SAMD7: variants seen among roughly 807,000 people sequenced by gnomAD.
The protein encoded by SAMD7 is sterile alpha motif domain containing 7.
Under a neutral mutation model 36.7 loss-of-function variants are expected in SAMD7, and 34 were observed. The observed-to-expected ratio is 0.93, with a 90% CI of 0.71 to 1.23. The LOEUF is 1.23. SAMD7 is among the 50% of genes most tolerant of loss of function. The pLI is 0.00. For missense variants in SAMD7, 570 were observed against 546.6 expected (o/e 1.04, Z -0.43); for synonymous variants, 188 against 189.7 (o/e 0.99, Z 0.07).
chr3:169,938,487 G>A lies in SAMD7; in HGVS notation c.1322G>A (p.Arg441Gln), dbSNP rs373905806. 27 of 1,608,716 alleles carry A rather than the reference G, an allele frequency of 1.7e-5. No homozygotes were observed. Among genetic ancestry groups the A allele is most frequent in the African/African-American group, 2.7e-5 (2 of 74,680 alleles). ...ACAATAATTCCTAAAGGAATTGAGCGAGGTAGTATGAGAAACTAAAAGCCC... is the reference window on the plus strand; with the variant it reads ...ACAATAATTCCTAAAGGAATTGAGCAAGGTAGTATGAGAAACTAAAAGCCC... Reference protein sequence around the residue: ...QDTIIPKGIERGSMRN With the variant: ...QDTIIPKGIEQGSMRN Residue 441 changes from arginine to glutamine, a missense_variant, in exon 9 of 9, where the codon CGA becomes CAA. Physicochemically the swap from Arg to Gln is conservative, Grantham distance 43 (BLOSUM62 1). Coordinates refer to ENST00000335556, the MANE Select transcript of SAMD7 (RefSeq NM_001304366.2).
At chr3:169,925,492 C>T (rs1341544762) in intron 5 of SAMD7, among the ~76,000 whole-genome samples, 5 of 151,902 alleles carry the variant, frequency 3.3e-5, no homozygotes, top group African/African-American at 9.7e-5. Flanking sequence ...TTTGGGAGGC[C>T]GAGGTGAGTG....
At chr3:169,929,869 C>T (rs1405868547) in intron 7 of SAMD7, among the ~76,000 whole-genome samples, 1 of 152,152 alleles carries the variant, frequency 6.6e-6, no homozygotes, top group African/African-American at 2.4e-5. Flanking sequence ...CCTACTCTTC[C>T]CTGTTCAATG....
At chr3:169,932,990 C>G in intron 7 of SAMD7, 1 of 724,128 alleles carries the variant, frequency 1.4e-6, no homozygotes, top group Non-Finnish European at 2.6e-6. Context: ...TTCCCCCCCT[C>G]TATCAGTGTG....
rs747240913 is a variant in SAMD7, at chr3:169,927,214, T to G, written c.919+33T>G. On this transcript the variant is annotated intron_variant, in intron 6 of 8. Coordinates refer to ENST00000335556, the MANE Select transcript of SAMD7 (RefSeq NM_001304366.2). Reference sequence around the variant, plus strand: ...TCCAGGGGCCAATGGCAGATCCTCATTAACTACAGGTTGCCAAGTCCGTAG... The same window carrying G: ...TCCAGGGGCCAATGGCAGATCCTCAGTAACTACAGGTTGCCAAGTCCGTAG... 7.3e-6 allele frequency: 11 copies of G among 1,500,596 alleles called. No homozygotes were observed. The African/African-American group carries it at 1.4e-4, about 19-fold the overall frequency. The allele number at this position is 1,500,596 out of a possible 1,614,324, so 93.0% of individuals were successfully genotyped here.
chr3:169,911,784 A>G lies in SAMD7; in HGVS notation c.-154A>G, dbSNP rs898027044. The G allele has an allele frequency of 6.6e-5, 10 of 152,242 alleles. No homozygotes were observed. Among genetic ancestry groups the G allele is most frequent in the Admixed American group, 1.3e-4 (2 of 15,282 alleles). The allele number at this position is 152,242 out of a possible 1,614,324, so 9.4% of individuals were successfully genotyped here. On this transcript the variant is annotated 5_prime_UTR_variant, in exon 1 of 9. Coordinates refer to ENST00000335556, the MANE Select transcript of SAMD7 (RefSeq NM_001304366.2). ...CAGAAAGTCTTTGTATGGTTCTTCC[A>G]TCTGCAATATCAAAGACAAGAAGTC...
At chr3:169,913,825 G>T (rs1712696073) in intron 1 of SAMD7, among the ~76,000 whole-genome samples, 1 of 152,294 alleles carries the variant, frequency 6.6e-6, no homozygotes, top group South Asian at 2.1e-4. Context: ...ACTCGTGCTT[G>T]ATCATATGAC....
At chr3:169,932,859 T>C (rs1048404750) in intron 7 of SAMD7, 2 of 615,754 alleles carry the variant, frequency 3.2e-6, no homozygotes, top group Admixed American at 2.0e-5. Context: ...GATTACCTGA[T>C]TGACAATGCT....
chr3:169,930,585 T>C (rs1461301255), intron 7 of SAMD7, among the ~76,000 whole-genome samples: 1 of 145,514 alleles, frequency 6.9e-6, no homozygotes, highest in Middle Eastern at 3.5e-3. Flanking sequence ...TTTCTTTTTT[T>C]TTTTTTTTTT....
At chr3:169,921,813 G>A (rs188425891) in intron 4 of SAMD7, among the ~76,000 whole-genome samples, 42 of 152,278 alleles carry the variant, frequency 2.8e-4, no homozygotes, top group African/African-American at 9.1e-4. Context: ...AACCTGATGG[G>A]ATCAAAGTTC....
chr3:169,928,762 C>T (rs1214875448), intron 7 of SAMD7, among the ~76,000 whole-genome samples, 184 bp downstream of exon 7: 1 of 152,128 alleles, frequency 6.6e-6, no homozygotes, highest in Non-Finnish European at 1.5e-5. Context: ...ACACCCACAC[C>T]CCAGCATCAG....
rs556293638 is a variant in SAMD7 at position 169,936,217 on chromosome 3, A to C, written c.1042-122A>C. 10 of 625,518 alleles carry C rather than the reference A, an allele frequency of 1.6e-5. No individual in the cohort carries two copies. The South Asian group carries it at 1.9e-4, about 12-fold the overall frequency. 38.7% of individuals were successfully genotyped at this position (625,518 alleles called of 1,614,324 possible). On this transcript the variant is annotated intron_variant, in intron 7 of 8. Transcript: ENST00000335556. ...AGAGCAACTAAAAAAAGGTTTTACA[A>C]ATTTTTTTGTCATCCTCAAGCAGTC...
Position 169,936,401 on chromosome 3 carries a change from A to G in SAMD7, c.1104A>G (p.Arg368=). The change falls in exon 8 of 9, where the codon CGA becomes CGG. Residue 368 remains arginine, a synonymous_variant. Transcript: ENST00000335556. ...CATTACTCACAGAAGAGCATCTTCG[A>G]GGCACTATGGGATTAAAGCTAGGGC... is the stretch of plus-strand genomic sequence containing the variant. The part of the protein sequence containing the change: ...TLPLLTEEHL[R]GTMGLKLGPA... The G allele has an allele frequency of 6.2e-7, 1 of 1,613,808 alleles. No individual in the cohort carries two copies. The highest frequency in any genetic ancestry group is 8.5e-7 in the Non-Finnish European group (1 of 1,179,730).
At chr3:169,930,578 CT>C (rs772549629) in intron 7 of SAMD7, among the ~76,000 whole-genome samples, 11,845 of 101,716 alleles carry the variant, frequency 0.12, 228 homozygotes, top group Non-Finnish European at 0.13. Context: ...CCTTTCTTTT[CT>C]TTTTTTTTTT....
chr3:169,914,923 G>T (rs1712734386), intron 1 of SAMD7, among the ~76,000 whole-genome samples: 1 of 152,172 alleles, frequency 6.6e-6, no homozygotes, highest in Non-Finnish European at 1.5e-5. Flanking sequence ...TGCCTCAATA[G>T]CACTAGTCAC....
At chr3:169,918,087 G>A (rs1282211332) in intron 2 of SAMD7, among the ~76,000 whole-genome samples, 1 of 151,836 alleles carries the variant, frequency 6.6e-6, no homozygotes, top group African/African-American at 2.4e-5. Flanking sequence ...ACAGGCACGC[G>A]CCACCACACT....
At chr3:169,921,125 G>T in intron 3 of SAMD7, 89 bp from the exon 4 acceptor site, 1 of 1,165,744 alleles carries the variant, frequency 8.6e-7, no homozygotes, top group Non-Finnish European at 1.3e-6. Context: ...ATCCCATATG[G>T]CAATAACAAA....
intron 2 of SAMD7, among the ~76,000 whole-genome samples, chr3:169,916,998 T>C (rs1241501164): frequency 6.6e-6 from 1 of 152,182 alleles, no homozygotes; most frequent in Non-Finnish European, 1.5e-5. Context: ...TTTATTCTAA[T>C]CCTGACTGTG....
Position 169,919,398 on chromosome 3 carries a change from A to T in SAMD7, c.-41-60A>T, listed in dbSNP as rs534046857. ...AAGGCTTTTATTGTGTTCAAGAAGA[A>T]TTCAAATAGTTCACAAAAAGTAGAG... On this transcript the variant is annotated intron_variant, in intron 2 of 8. Transcript: ENST00000335556. 50 of 913,152 alleles carry T rather than the reference A, an allele frequency of 5.5e-5. No individual in the cohort carries two copies. In the African/African-American group the frequency reaches 7.8e-4, roughly 14 times the overall value. The allele number at this position is 913,152 out of a possible 1,614,324, so 56.6% of individuals were successfully genotyped here. A position where few individuals can be genotyped will look rare whatever the true frequency, so the allele number is the denominator to read the frequency against.
At chr3:169,918,953 C>A (rs560624731) in intron 2 of SAMD7, among the ~76,000 whole-genome samples, 16 of 152,106 alleles carry the variant, frequency 1.1e-4, no homozygotes, top group Non-Finnish European at 2.2e-4. Context: ...TCAAGGCCAG[C>A]CTGGCCAACA....
Sources: allele counts gnomAD v4.1 joint callset (sites outside exome capture counted in the v4.1 genomes callset), GRCh38; gene constraint gnomAD v4.1.1; transcripts MANE v1.5; gene names NCBI Gene and HGNC (gene_info 2026-07-23, HGNC 2026-07-21).